The following MTMR7 variants were observed in gnomAD, a reference collection of about 807,000 sequenced individuals.
MTMR7 encodes myotubularin related protein 7, also known as phosphatidylinositol-3-phosphate phosphatase MTMR7.
In MTMR7, 76 loss-of-function variants were observed where a neutral mutation model predicts 81.2. That is an observed-to-expected ratio of 0.94 (90% CI 0.78 to 1.13). The LOEUF (loss-of-function observed/expected upper bound fraction) is 1.13. MTMR7 is among the 50% of genes most tolerant of loss of function. The pLI is 0.00. For synonymous variants in MTMR7, 372 were observed against 289.8 expected (o/e 1.28, Z -2.88); for missense variants, 1,044 against 820.0 (o/e 1.27, Z -3.34).
chr8:17,304,349 T>C (rs781247657), intron 12 of MTMR7, 30 bp downstream of exon 12: 12 of 1,599,174 alleles, frequency 7.5e-6, no homozygotes, highest in Admixed American at 6.7e-5. Flanking sequence ...GTTCATACCA[T>C]GGCTACAAAG....
chr8:17,389,313 A>G lies in MTMR7; in HGVS notation c.25-16073T>C, dbSNP rs542561414. ...TTTACTGTACACTCTAACCATTACCACAATCATATTCTCATGGGAACCCAA... is the reference window on the plus strand; with the variant it reads ...TTTACTGTACACTCTAACCATTACCGCAATCATATTCTCATGGGAACCCAA... On this transcript the variant is annotated intron_variant, in intron 1 of 13. Coordinates refer to ENST00000180173, the MANE Select transcript of MTMR7 (RefSeq NM_004686.5). Among the ~76,000 whole-genome samples the G allele has an allele frequency of 1.2e-4, 19 of 152,294 alleles. No homozygotes were observed. In the South Asian group the frequency reaches 3.7e-3, roughly 30 times the overall value.
At chr8:17,373,883 C>G (rs750669040) in intron 1 of MTMR7, among the ~76,000 whole-genome samples, 1 of 152,142 alleles carries the variant, frequency 6.6e-6, no homozygotes, top group African/African-American at 2.4e-5. Flanking sequence ...ACAAAGCATA[C>G]CTCTCTCATA....
intron 4 of MTMR7, among the ~76,000 whole-genome samples, chr8:17,356,927 T>G (rs1002591048): frequency 1.3e-5 from 2 of 152,128 alleles, no homozygotes; most frequent in African/African-American, 4.8e-5. Context: ...GAAAAGAATT[T>G]TCCAGAATTT....
intron 7 of MTMR7, among the ~76,000 whole-genome samples, chr8:17,314,020 TGAA>T (rs1817928377): frequency 1.3e-5 from 2 of 152,224 alleles, no homozygotes; most frequent in East Asian, 1.9e-4. Flanking sequence ...TGAGTGAAAA[TGAA>T]GAAAACCTAG....
At chr8:17,373,705 T>A (rs1820489691) in intron 1 of MTMR7, among the ~76,000 whole-genome samples, 1 of 152,188 alleles carries the variant, frequency 6.6e-6, no homozygotes, top group Non-Finnish European at 1.5e-5. Flanking sequence ...TACAAACTAG[T>A]AGCAAGTATA....
chr8:17,314,085 C>G (rs1817931277), intron 7 of MTMR7, among the ~76,000 whole-genome samples: 1 of 152,144 alleles, frequency 6.6e-6, no homozygotes, highest in Admixed American at 6.5e-5. Context: ...ATAAACACCT[C>G]TATAATATTA....
In MTMR7 at chr8:17,311,500, G is replaced by A; in HGVS notation, c.1101+11C>T. 1 of 1,613,980 alleles carries A rather than the reference G, an allele frequency of 6.2e-7. No homozygotes were observed. Among genetic ancestry groups the A allele is most frequent in the East Asian group, 2.2e-5 (1 of 44,874 alleles). On this transcript the variant is annotated intron_variant, in intron 9 of 13. Coordinates refer to ENST00000180173, the MANE Select transcript of MTMR7 (RefSeq NM_004686.5). ...CACCGCCTGTGGGAATCGCCCAGTGGCCACACTCACCATGAAGCCCTTCAG... is the reference window on the plus strand; with the variant it reads ...CACCGCCTGTGGGAATCGCCCAGTGACCACACTCACCATGAAGCCCTTCAG...
chr8:17,353,755 A>T (rs1191584065), intron 4 of MTMR7, among the ~76,000 whole-genome samples: 1 of 152,182 alleles, frequency 6.6e-6, no homozygotes, highest in Non-Finnish European at 1.5e-5. Context: ...TCACTTTGCC[A>T]TTTTTTAAAA....
chr8:17,385,217 G>A (rs1820892729), intron 1 of MTMR7, among the ~76,000 whole-genome samples: 1 of 152,096 alleles, frequency 6.6e-6, no homozygotes, highest in South Asian at 2.1e-4. Context: ...TTGGAGGTGG[G>A]GCCTGGTGGG....
chr8:17,413,241 C>G, intron 1 of MTMR7, 28 bp downstream of exon 1: 3 of 1,548,582 alleles, frequency 1.9e-6, no homozygotes, highest in East Asian at 2.5e-5. Context: ...CCTCCCGTCC[C>G]TCCTCCGCCC....
chr8:17,407,267 TA>T (rs149162505), intron 1 of MTMR7, among the ~76,000 whole-genome samples: 1 of 150,792 alleles, frequency 6.6e-6, no homozygotes, highest in African/African-American at 2.4e-5. Flanking sequence ...ACCTCGCTGG[TA>T]AAAAAAAATA....
chr8:17,353,357 T>C (rs1457218232), intron 4 of MTMR7, among the ~76,000 whole-genome samples: 2 of 152,196 alleles, frequency 1.3e-5, no homozygotes, highest in Non-Finnish European at 2.9e-5. Flanking sequence ...CAGAGATCTA[T>C]TATAGTACAA....
chr8:17,363,058 G>C (rs961719791), intron 3 of MTMR7, among the ~76,000 whole-genome samples: 3 of 152,158 alleles, frequency 2.0e-5, no homozygotes, highest in African/African-American at 4.8e-5. Context: ...GGACTATTTG[G>C]ACAAATAACA....
At chr8:17,332,545 T>C (rs1007144813) in intron 6 of MTMR7, among the ~76,000 whole-genome samples, 5 of 152,158 alleles carry the variant, frequency 3.3e-5, no homozygotes, top group African/African-American at 7.2e-5. Flanking sequence ...GGTTATATCA[T>C]GATGAGCCCA....
chr8:17,349,079 G>A lies in MTMR7; in HGVS notation c.471C>T (p.Val157=), dbSNP rs2285291. Residue 157 remains valine, a splice_region_variant and synonymous_variant, in exon 5 of 14, where the codon GTC becomes GTT. Transcript: ENST00000180173. ...QLSDVNRDYR[V]CDSYPTELYV... ...ACAGTTCAGTAGGATAAGAGTCACAGACCTGTCACCAGAAAATACAAAGAG... is the reference window on the plus strand; with the variant it reads ...ACAGTTCAGTAGGATAAGAGTCACAAACCTGTCACCAGAAAATACAAAGAG... 0.059 allele frequency: 94,844 copies of A among 1,610,588 alleles called. 6,187 individuals are homozygous for A. Among genetic ancestry groups the A allele is most frequent in the East Asian group, 0.33 (14,881 of 44,724 alleles).
Position 17,331,150 on chromosome 8 carries a change from C to G in MTMR7, c.865G>C (p.Val289Leu), listed in dbSNP as rs1259213248. ...TGCTGTGCATAAGGAAATGGTTTACCTTCCAGCATTTTCTGCAGACTGTTC... is the reference window on the plus strand; with the variant it reads ...TGCTGTGCATAAGGAAATGGTTTACGTTCCAGCATTTTCTGCAGACTGTTC... Reference protein sequence around the residue: ...MRNSLQKMLEVCELKSPSMSD... With the variant: ...MRNSLQKMLELCELKSPSMSD... The change falls in exon 7 of 14, where the codon GTG becomes CTG. Residue 289 changes from valine (V) to leucine (L), a missense_variant and splice_region_variant. By Grantham distance (32) the Val-to-Leu change is conservative (BLOSUM62 1). Coordinates refer to ENST00000180173, the MANE Select transcript of MTMR7 (RefSeq NM_004686.5). 2 of 1,609,704 alleles carry G rather than the reference C, an allele frequency of 1.2e-6. No individual in the cohort carries two copies. Among genetic ancestry groups the G allele is most frequent in the East Asian group, 2.2e-5 (1 of 44,668 alleles).
chr8:17,401,725 C>T (rs1252940085), intron 1 of MTMR7, among the ~76,000 whole-genome samples: 1 of 151,980 alleles, frequency 6.6e-6, no homozygotes, highest in African/African-American at 2.4e-5. Context: ...AGGGTAACTC[C>T]AAAGTTATTG....
In MTMR7 at chr8:17,381,759, G is replaced by A. The variant is rs555262157; in HGVS notation, c.25-8519C>T. Among the ~76,000 whole-genome samples the A allele has an allele frequency of 6.9e-4, 105 of 152,274 alleles. 1 individual carries two copies. Among genetic ancestry groups the A allele is most frequent in the African/African-American group, 2.1e-3 (88 of 41,548 alleles). On this transcript the variant is annotated intron_variant, in intron 1 of 13. Coordinates refer to ENST00000180173, the MANE Select transcript of MTMR7 (RefSeq NM_004686.5). Reference sequence around the variant, plus strand: ...CTGCAGCAGCCAAAACCAAAGACAAGTTTATGTTCTAATCTAAGAAAAGCA... The same window carrying A: ...CTGCAGCAGCCAAAACCAAAGACAAATTTATGTTCTAATCTAAGAAAAGCA...
chr8:17,372,160 G>C (rs941835578), intron 2 of MTMR7, among the ~76,000 whole-genome samples: 3 of 152,072 alleles, frequency 2.0e-5, no homozygotes, highest in Non-Finnish European at 2.9e-5. Context: ...TTCAATAGCA[G>C]CATTTTAATC....
Sources: allele counts gnomAD v4.1 joint callset (sites outside exome capture counted in the v4.1 genomes callset), GRCh38; gene constraint gnomAD v4.1.1; transcripts MANE v1.5; gene names NCBI Gene and HGNC (gene_info 2026-07-23, HGNC 2026-07-21).